Variants in ANKRD45 observed in about 807,000 individuals in gnomAD.
ANKRD45 encodes the protein ankyrin repeat domain-containing protein 45.
In ANKRD45, 21 loss-of-function variants were observed where a neutral mutation model predicts 28.1. That is an observed-to-expected ratio of 0.75 (90% CI 0.53 to 1.08). ANKRD45 has a LOEUF of 1.08. Among genes scored for constraint, ANKRD45 ranks in the 50% least tolerant of loss-of-function variants. ANKRD45 has a pLI of 0.00. For missense variants in ANKRD45, 261 were observed against 308.7 expected, an observed-to-expected ratio of 0.85 and a Z score of 1.16; for synonymous variants, 86 against 103.9, an observed-to-expected ratio of 0.83 and a Z score of 1.05.
At position 173,665,045 on chromosome 1, in the gene ANKRD45, G is replaced by A. The variant is rs188489652; in HGVS notation, c.-16+4772C>T. Among the ~76,000 whole-genome samples, 20 of 152,066 alleles carry A rather than the reference G, an allele frequency of 1.3e-4. No homozygotes were observed. The East Asian group carries it at 3.7e-3, about 28-fold the overall frequency. On this transcript the variant is annotated intron_variant, in intron 1 of 5. Transcript: ENST00000333279. ...GGTGATGTACATGCCAAGCACATGG[G>A]GAACATTTAGTAAATAGAAGCTACC...
chr1:173,642,351 C>T (rs1480284508), intron 3 of ANKRD45, among the ~76,000 whole-genome samples: 3 of 152,130 alleles, frequency 2.0e-5, no homozygotes, highest in East Asian at 3.9e-4. Context: ...TTTCTTCACC[C>T]TATTCAGAAA....
intron 1 of ANKRD45, chr1:173,669,608 A>G (rs1233979682): frequency 2.4e-6 from 1 of 420,784 alleles, no homozygotes; most frequent in African/African-American, 2.1e-5. Context: ...TGAATTCCCT[A>G]GGGACCTTCT....
At chr1:173,635,614 A>C (rs1668395992) in intron 3 of ANKRD45, 1 of 1,535,648 alleles carries the variant, frequency 6.5e-7, no homozygotes, top group African/African-American at 1.4e-5. Context: ...CTGTCTGGAC[A>C]AAGGTTGGAT....
the ANKRD45 span, among the ~76,000 whole-genome samples, chr1:173,680,511 G>A: frequency 6.6e-6 from 1 of 152,080 alleles, no homozygotes; most frequent in Non-Finnish European, 1.5e-5. Context: ...GACACAGAGA[G>A]GGGAACATCA....
the ANKRD45 span, among the ~76,000 whole-genome samples, chr1:173,683,994 G>A: frequency 6.6e-6 from 1 of 152,162 alleles, no homozygotes; most frequent in Admixed American, 6.5e-5. Context: ...TAGACCGCAT[G>A]GGCTAAACTA....
At chr1:173,699,724 G>C in the ANKRD45 span, among the ~76,000 whole-genome samples, 2 of 152,240 alleles carry the variant, frequency 1.3e-5, no homozygotes, top group African/African-American at 4.8e-5. Flanking sequence ...ATACTGAATG[G>C]GCAAAAACTG....
chr1:173,682,728 G>A, the ANKRD45 span, among the ~76,000 whole-genome samples: 1 of 116,918 alleles, frequency 8.6e-6, no homozygotes, highest in Non-Finnish European at 1.7e-5. Flanking sequence ...CACACATCTT[G>A]GATGTTAGCT....
rs539652688 is a variant in ANKRD45, at chr1:173,608,399, C to T, written c.*1746G>A. On this transcript the variant is annotated 3_prime_UTR_variant, in exon 6 of 6. Coordinates refer to ENST00000333279, the MANE Select transcript of ANKRD45 (RefSeq NM_198493.3). ...GTGGTGCGATCTCGGCTCACTGCAA[C>T]CTCCACCTCCCGGGCTCAGGTGATT... 2.6e-5 allele frequency among the ~76,000 whole-genome samples: 4 copies of T among 152,260 alleles called. No individual in the cohort carries two copies. In the East Asian group the frequency reaches 7.7e-4, roughly 29 times the overall value.
At chr1:173,630,588 T>C (rs1215200015) in intron 3 of ANKRD45, among the ~76,000 whole-genome samples, 1 of 151,694 alleles carries the variant, frequency 6.6e-6, no homozygotes, top group East Asian at 1.9e-4. Flanking sequence ...GTGGCTCACA[T>C]CTATAATCCC....
At chr1:173,616,124 A>T (rs1162182943) in intron 5 of ANKRD45, among the ~76,000 whole-genome samples, 1 of 152,080 alleles carries the variant, frequency 6.6e-6, no homozygotes, top group African/African-American at 2.4e-5. Context: ...AATAGATTAA[A>T]TTTGTACCCA....
At chr1:173,613,531 CCGCCCCG>C (rs1667300331) in intron 5 of ANKRD45, among the ~76,000 whole-genome samples, 1 of 148,820 alleles carries the variant, frequency 6.7e-6, no homozygotes, top group African/African-American at 2.5e-5. Context: ...GCCCGGCCAG[CCGCCCCG>C]TCCGGGAGGG....
At chr1:173,652,391 G>T (rs1192315055) in intron 2 of ANKRD45, among the ~76,000 whole-genome samples, 1 of 152,092 alleles carries the variant, frequency 6.6e-6, no homozygotes, top group Non-Finnish European at 1.5e-5. Flanking sequence ...TTATGTGATG[G>T]ATTATGTTTA....
In ANKRD45 at chr1:173,646,921, A is replaced by G. The variant is rs778031973; in HGVS notation, c.421T>C (p.Phe141Leu). The change falls in exon 3 of 6, where the codon TTC becomes CTC. Residue 141 changes from phenylalanine (F) to leucine (L), a missense_variant. Transcript: ENST00000333279. ...ELDVDIEALN[F>L]REERARDVAA... ...ACATCTCGAGCCCTTTCTTCCCGGA[A>G]GTTCAAAGCTTCTATATCAACATCC... 1.2e-6 allele frequency: 2 copies of G among 1,614,128 alleles called. No individual in the cohort carries two copies. The highest frequency in any genetic ancestry group is 2.2e-5 in the South Asian group (2 of 91,078).
At chr1:173,616,182 A>C (rs1160988901) in intron 5 of ANKRD45, among the ~76,000 whole-genome samples, 2 of 152,196 alleles carry the variant, frequency 1.3e-5, no homozygotes, top group Admixed American at 6.5e-5. Flanking sequence ...GTACTGATAC[A>C]TGTTACCACA....
chr1:173,634,093 T>C (rs6674573), intron 3 of ANKRD45, among the ~76,000 whole-genome samples: 4,134 of 151,982 alleles, frequency 0.027, 199 homozygotes, highest in African/African-American at 0.095. Context: ...AAGGGATTAA[T>C]AACCAGAATA....
chr1:173,635,428 A>G, intron 3 of ANKRD45: 1 of 950,676 alleles, frequency 1.1e-6, no homozygotes, highest in Non-Finnish European at 1.5e-6. Context: ...TTCCCTTCGT[A>G]GGGAATTTAG....
chr1:173,715,012 A>C, the ANKRD45 span: 1 of 153,076 alleles, frequency 6.5e-6, no homozygotes, highest in East Asian at 1.9e-4. Context: ...GTGGAGGAGG[A>C]GGCAGAGAGG....
the ANKRD45 span, among the ~76,000 whole-genome samples, chr1:173,703,406 G>A: frequency 2.1e-4 from 32 of 151,726 alleles, no homozygotes; most frequent in African/African-American, 7.3e-4. Flanking sequence ...GGGTTTCACC[G>A]TGTTGGCCAG....
rs61826762 is a variant in ANKRD45, at chr1:173,633,126, T to A, written c.497-5967A>T. 1.2e-3 allele frequency among the ~76,000 whole-genome samples: 186 copies of A among 151,958 alleles called. 1 individual carries two copies. Among genetic ancestry groups the A allele is most frequent in the Non-Finnish European group, 2.2e-3 (150 of 67,886 alleles). On this transcript the variant is annotated intron_variant, in intron 3 of 5. Transcript: ENST00000333279. ...GACTCCACCAAACAATTATTAGAAC[T>A]GATAAACAAATTCAGTAAAATTACA... is the stretch of plus-strand genomic sequence containing the variant.
Sources: allele counts gnomAD v4.1 joint callset (sites outside exome capture counted in the v4.1 genomes callset), GRCh38; gene constraint gnomAD v4.1.1; transcripts MANE v1.5; gene names NCBI Gene and HGNC (gene_info 2026-07-23, HGNC 2026-07-21).